CHD6: variants seen among roughly 807,000 people sequenced by gnomAD.
CHD6 encodes chromodomain helicase DNA binding protein 6, also known as ATP-dependent chromatin remodeler CHD6.
In CHD6, 50 loss-of-function variants were observed where a neutral mutation model predicts 276.9. The observed-to-expected ratio is 0.18, with a 90% CI of 0.14 to 0.23. CHD6 has a LOEUF of 0.23. CHD6 is among the 10% of genes least tolerant of loss of function. The pLI is 1.00. For synonymous variants in CHD6, 1,173 were observed against 1,229.3 expected (o/e 0.95, Z 0.96); for missense variants, 2,564 against 3,365.8 (o/e 0.76, Z 5.89).
rs1199786129 is a variant in CHD6 at position 41,403,916 on chromosome 20, T to C, written c.*677A>G. The C allele has an allele frequency of 3.8e-6, 4 of 1,055,024 alleles. No homozygotes were observed. Among genetic ancestry groups the C allele is most frequent in the South Asian group, 9.1e-5 (2 of 21,888 alleles). 65.4% of individuals were successfully genotyped at this position (1,055,024 alleles called of 1,614,324 possible). A position where few individuals can be genotyped will look rare whatever the true frequency, so the allele number is the denominator to read the frequency against. ...TCTTTTCACTGGTGAGAGGGATGTA[T>C]AGAAAATAATGCCTAGTCAGTCAGT... On this transcript the variant is annotated 3_prime_UTR_variant, in exon 37 of 37. Transcript: ENST00000373233.
intron 27 of CHD6, among the ~76,000 whole-genome samples, chr20:41,433,342 G>A (rs1390582261): frequency 2.0e-5 from 3 of 151,978 alleles, no homozygotes; most frequent in African/African-American, 4.8e-5. Context: ...TAAAGACAAA[G>A]AAAAAATCTT....
intron 27 of CHD6, among the ~76,000 whole-genome samples, chr20:41,434,849 T>G (rs1466702787): frequency 6.6e-6 from 1 of 152,058 alleles, no homozygotes; most frequent in Non-Finnish European, 1.5e-5. Flanking sequence ...ACAGAAAAAC[T>G]CAACAACATC....
intron 1 of CHD6, among the ~76,000 whole-genome samples, chr20:41,589,014 C>T (rs907489862): frequency 2.0e-5 from 3 of 152,238 alleles, no homozygotes; most frequent in South Asian, 4.2e-4. Context: ...AAAAGCTTAT[C>T]CACCATGATC....
At position 41,514,791 on chromosome 20, in the gene CHD6, G is replaced by A. The variant is rs1250157342; in HGVS notation, c.702+14C>T. The A allele has an allele frequency of 5.0e-6, 8 of 1,612,448 alleles. No homozygotes were observed. The African/African-American group carries it at 5.3e-5, about 11-fold the overall frequency. On this transcript the variant is annotated intron_variant, in intron 4 of 36. Transcript: ENST00000373233. Reference sequence around the variant, plus strand: ...AGCCGTAATCTCCACCAGGCCTCCCGGTCACAGCTGTACCTGGCTGTCTGT... The same window carrying A: ...AGCCGTAATCTCCACCAGGCCTCCCAGTCACAGCTGTACCTGGCTGTCTGT...
At chr20:41,491,609 C>G in intron 11 of CHD6, 89 bp downstream of exon 11, 1 of 1,474,386 alleles carries the variant, frequency 6.8e-7, no homozygotes, top group East Asian at 2.3e-5. Flanking sequence ...CTCCCTCTCA[C>G]CAGTCTGCTA....
chr20:41,521,597 A>T (rs367785866), intron 3 of CHD6, among the ~76,000 whole-genome samples: 1 of 151,676 alleles, frequency 6.6e-6, no homozygotes, highest in African/African-American at 2.4e-5. Flanking sequence ...ATATATTCAT[A>T]TGTGCGCGTT....
rs1203414580 is a variant in CHD6 at position 41,437,327 on chromosome 20, T to C, written c.4015A>G (p.Thr1339Ala). The part of the protein sequence containing the change: ...GTSDIPERGN[T>A]DKEDNAEDKV... ...TCCTCAGCATTGTCTTCTTTATCTG[T>C]GTTGCCTCTAAATAAAAGTAAAAAA... The change falls in exon 27 of 37, where the codon ACA becomes GCA. Residue 1339 changes from threonine (T) to alanine (A), a missense_variant. Physicochemically the swap from Thr to Ala is moderately conservative, Grantham distance 58. Transcript: ENST00000373233. 1.2e-6 allele frequency: 2 copies of C among 1,612,096 alleles called. No homozygotes were observed. Among genetic ancestry groups the C allele is most frequent in the East Asian group, 2.2e-5 (1 of 44,852 alleles).
intron 1 of CHD6, among the ~76,000 whole-genome samples, chr20:41,555,806 G>A (rs1431936879): frequency 2.0e-5 from 3 of 150,738 alleles, no homozygotes; most frequent in South Asian, 4.3e-4. Context: ...CGTCCCAGAC[G>A]ATGGGCGGCC....
chr20:41,473,443 G>C lies in CHD6; in HGVS notation c.2543C>G (p.Pro848Arg). The change falls in exon 17 of 37, where the codon CCA (proline) becomes CGA (arginine). Residue 848 changes from proline to arginine, a missense_variant. Physicochemically the swap from Pro to Arg is moderately radical, Grantham distance 103. Coordinates refer to ENST00000373233, the MANE Select transcript of CHD6 (RefSeq NM_032221.5). The surrounding 1 kb of genome is among the most constrained non-coding windows in gnomAD (Gnocchi z 4.1). ...AAGAAAGACAAAGCGGTCTGAATCT[G>C]GCTTACAGAACCGGTCGATGGCTGC... ...RQAAIDRFCK[P>R]DSDRFVFLLC... 1 of 1,614,118 alleles carries C rather than the reference G, an allele frequency of 6.2e-7. No individual in the cohort carries two copies. Among genetic ancestry groups the C allele is most frequent in the Non-Finnish European group, 8.5e-7 (1 of 1,180,004 alleles).
chr20:41,561,094 G>A (rs2045296606), intron 1 of CHD6, among the ~76,000 whole-genome samples: 1 of 152,178 alleles, frequency 6.6e-6, no homozygotes, highest in African/African-American at 2.4e-5. Context: ...TATGGTCTCA[G>A]TTGCAACTAC....
rs545375289 is a variant in CHD6, at chr20:41,447,056, T to C, written c.3773+826A>G. Among the ~76,000 whole-genome samples the C allele has an allele frequency of 1.1e-3, 170 of 152,174 alleles. 1 individual carries two copies. Among genetic ancestry groups the C allele is most frequent in the Non-Finnish European group, 2.0e-3 (134 of 68,024 alleles). On this transcript the variant is annotated intron_variant, in intron 24 of 36. Coordinates refer to ENST00000373233, the MANE Select transcript of CHD6 (RefSeq NM_032221.5). ...ATTACAATAGTGACTCTGAAAGGCA[T>C]AGAAAGTGGTAACAGTTGCTGAGGA...
At chr20:41,503,939 A>G (rs1337619011) in intron 5 of CHD6, among the ~76,000 whole-genome samples, 4 of 151,810 alleles carry the variant, frequency 2.6e-5, no homozygotes, top group Admixed American at 2.0e-4. Flanking sequence ...TTAGCTGGGC[A>G]TAGTGGCGCA....
chr20:41,591,358 A>C (rs2045656243), intron 1 of CHD6, among the ~76,000 whole-genome samples: 1 of 148,884 alleles, frequency 6.7e-6, no homozygotes. Context: ...CTTAAAGTAT[A>C]ATTTTACATA....
At chr20:41,606,370 C>T (rs1195799547) in intron 1 of CHD6, among the ~76,000 whole-genome samples, 10 of 152,120 alleles carry the variant, frequency 6.6e-5, no homozygotes, top group African/African-American at 1.9e-4. Flanking sequence ...CAAAATTAGC[C>T]AGGCGTGGTG....
Position 41,487,715 on chromosome 20 carries a change from A to G in CHD6, c.1951T>C (p.Ser651Pro). 1 of 1,612,240 alleles carries G rather than the reference A, an allele frequency of 6.2e-7. No homozygotes were observed. Among genetic ancestry groups the G allele is most frequent in the South Asian group, 1.1e-5 (1 of 90,550 alleles). Reference sequence around the variant, plus strand: ...AATTCCTCCAAGAAAGCGGTCTCTGAAGGAAACTGTGATGGCTCCAGAAAA... The same window carrying G: ...AATTCCTCCAAGAAAGCGGTCTCTGGAGGAAACTGTGATGGCTCCAGAAAA... Reference protein sequence around the residue: ...LNFLEPSQFPSETAFLEEFGD... With the variant: ...LNFLEPSQFPPETAFLEEFGD... The change falls in exon 14 of 37, where the codon TCA (serine) becomes CCA (proline). Residue 651 changes from serine (S) to proline (P), a missense_variant. Ser to Pro is a moderately conservative substitution (Grantham distance 74, BLOSUM62 -1). Around this residue, in one of 7 missense-constraint regions of CHD6, gnomAD observed 457 missense variants for 889.0 expected, o/e 0.51. Coordinates refer to ENST00000373233, the MANE Select transcript of CHD6 (RefSeq NM_032221.5).
intron 1 of CHD6, among the ~76,000 whole-genome samples, chr20:41,611,021 A>G (rs1225566639): frequency 2.6e-5 from 4 of 152,208 alleles, no homozygotes; most frequent in Non-Finnish European, 5.9e-5. Flanking sequence ...GAAGGGTCAT[A>G]AGTCCCCGCT....
At chr20:41,504,467 T>C (rs1247794407) in intron 5 of CHD6, among the ~76,000 whole-genome samples, 2 of 147,278 alleles carry the variant, frequency 1.4e-5, no homozygotes, top group Admixed American at 7.0e-5. Context: ...GAAAGTGCAG[T>C]GGAACGATCT....
chr20:41,422,144 G>A, intron 30 of CHD6, 65 bp from the exon 31 acceptor site: 1 of 1,503,258 alleles, frequency 6.7e-7, no homozygotes, highest in Non-Finnish European at 8.9e-7. Context: ...GCCCACCTGA[G>A]CCCCTGCATC....
At chr20:41,433,997 G>A (rs2047624622) in intron 27 of CHD6, among the ~76,000 whole-genome samples, 1 of 152,202 alleles carries the variant, frequency 6.6e-6, no homozygotes, top group East Asian at 1.9e-4. Flanking sequence ...TAAACCAGAG[G>A]AAGGCAGGAA....
Sources: allele counts gnomAD v4.1 joint callset (sites outside exome capture counted in the v4.1 genomes callset), GRCh38; gene constraint gnomAD v4.1.1; regional missense constraint gnomAD v4.1.1; non-coding constraint Gnocchi (gnomAD v3.1); transcripts MANE v1.5; gene names NCBI Gene and HGNC (gene_info 2026-07-23, HGNC 2026-07-21).